CA10: variants seen among roughly 807,000 people sequenced by gnomAD.
CA10 encodes carbonic anhydrase 10 (inactive).
A neutral mutation model predicts 44.2 loss-of-function variants in CA10; 14 were observed. That is an observed-to-expected ratio of 0.32 (90% CI 0.21 to 0.50). The LOEUF (loss-of-function observed/expected upper bound fraction) is 0.50. CA10 is among the 20% of genes least tolerant of loss of function. CA10 has a pLI of 0.99. For synonymous variants in CA10, 159 were observed against 141.6 expected (o/e 1.12, Z -0.87); for missense variants, 350 against 409.7 (o/e 0.85, Z 1.26).
chr17:51,982,387 A>C (rs1320110644), intron 2 of CA10, among the ~76,000 whole-genome samples: 2 of 152,022 alleles, frequency 1.3e-5, no homozygotes, highest in East Asian at 1.9e-4. Flanking sequence ...GTCTATCCAC[A>C]CATTCAGCTA....
intron 3 of CA10, among the ~76,000 whole-genome samples, chr17:51,814,507 T>C (rs1907492866): frequency 6.6e-6 from 1 of 152,232 alleles, no homozygotes; most frequent in Non-Finnish European, 1.5e-5. Flanking sequence ...TTAAAGGCTG[T>C]TGTAAGTCCT....
chr17:51,935,018 C>G (rs146484101), intron 2 of CA10, among the ~76,000 whole-genome samples: 2 of 151,996 alleles, frequency 1.3e-5, no homozygotes, highest in Admixed American at 6.6e-5. Context: ...CAAGGATGGG[C>G]GTATGAATGA....
chr17:52,003,015 G>A (rs1985479897), intron 2 of CA10, among the ~76,000 whole-genome samples: 1 of 151,886 alleles, frequency 6.6e-6, no homozygotes. Flanking sequence ...AGGAGACAAA[G>A]GTTTGCACAG....
At chr17:52,104,843 G>A (rs1030722336) in intron 1 of CA10, among the ~76,000 whole-genome samples, 3 of 152,154 alleles carry the variant, frequency 2.0e-5, no homozygotes, top group African/African-American at 2.4e-5. Flanking sequence ...TTTGCTGCAC[G>A]GATGACAACC....
At chr17:51,745,536 A>G (rs1219467618) in intron 4 of CA10, among the ~76,000 whole-genome samples, 1 of 152,172 alleles carries the variant, frequency 6.6e-6, no homozygotes, top group African/African-American at 2.4e-5. Flanking sequence ...GGTGCACCTG[A>G]TACCTGTGGT....
intron 4 of CA10, among the ~76,000 whole-genome samples, chr17:51,702,267 A>G (rs572573526): frequency 1.3e-5 from 2 of 152,270 alleles, no homozygotes; most frequent in East Asian, 3.9e-4. Flanking sequence ...GGCCCAGAGC[A>G]GTTGGGAGAC....
intron 2 of CA10, among the ~76,000 whole-genome samples, chr17:52,022,325 C>G (rs149214836): frequency 7.9e-5 from 12 of 152,028 alleles, no homozygotes; most frequent in Admixed American, 3.3e-4. Context: ...AAATGTGATT[C>G]ACGACATGAA....
intron 4 of CA10, among the ~76,000 whole-genome samples, chr17:51,657,244 T>C (rs1452533935): frequency 6.6e-6 from 1 of 152,206 alleles, no homozygotes; most frequent in Middle Eastern, 3.2e-3. Flanking sequence ...CTTTTTGTTC[T>C]CAGCTGTAAG....
intron 1 of CA10, among the ~76,000 whole-genome samples, chr17:52,096,769 G>C (rs1274171223): frequency 6.6e-6 from 1 of 152,150 alleles, no homozygotes; most frequent in East Asian, 1.9e-4. Flanking sequence ...TTCTGAGGTT[G>C]GTCAAAGCCA....
At chr17:51,724,926 C>G (rs1916464700) in intron 4 of CA10, among the ~76,000 whole-genome samples, 1 of 152,226 alleles carries the variant, frequency 6.6e-6, no homozygotes, top group Admixed American at 6.5e-5. Flanking sequence ...GTAGTCATAA[C>G]AGTTTTCACT....
At chr17:51,646,033 T>G (rs1452551350) in intron 6 of CA10, among the ~76,000 whole-genome samples, 1 of 152,242 alleles carries the variant, frequency 6.6e-6, no homozygotes, top group African/African-American at 2.4e-5. Context: ...GGAGCTGAGC[T>G]GCTTCAGCTC....
At chr17:51,953,389 A>G (rs1333021914) in intron 2 of CA10, among the ~76,000 whole-genome samples, 1 of 151,376 alleles carries the variant, frequency 6.6e-6, no homozygotes. Context: ...TGTCTTTTCC[A>G]TCTCCACTAC....
At chr17:52,088,919 T>C (rs1161715539) in intron 1 of CA10, among the ~76,000 whole-genome samples, 1 of 152,164 alleles carries the variant, frequency 6.6e-6, no homozygotes, top group Non-Finnish European at 1.5e-5. Context: ...AAAAATACAC[T>C]ATAGATTATA....
At chr17:51,678,243 A>T (rs983686268) in intron 4 of CA10, among the ~76,000 whole-genome samples, 2 of 152,184 alleles carry the variant, frequency 1.3e-5, no homozygotes, top group Non-Finnish European at 2.9e-5. Context: ...TTAATAGATA[A>T]TGGGGTTTCC....
At chr17:51,686,111 C>T (rs1242551708) in intron 4 of CA10, among the ~76,000 whole-genome samples, 1 of 152,042 alleles carries the variant, frequency 6.6e-6, no homozygotes, top group Non-Finnish European at 1.5e-5. Flanking sequence ...TTCCCCCATA[C>T]TGTTCTTGTG....
rs375774496 is a variant in CA10, at chr17:52,065,220, G to T, written c.136+7099C>A. Among the ~76,000 whole-genome samples, 12 of 152,304 alleles carry T rather than the reference G, an allele frequency of 7.9e-5. No homozygotes were observed. In the East Asian group the frequency reaches 9.6e-4, roughly 12 times the overall value. On this transcript the variant is annotated intron_variant, in intron 2 of 8. Coordinates refer to ENST00000451037, the MANE Select transcript of CA10 (RefSeq NM_020178.5). ...GCTTAGCTTCTCCTAGATTACACAA[G>T]GAGGCTCTCCTTGATCTCCAGACTA... is the stretch of plus-strand genomic sequence containing the variant.
chr17:51,692,620 G>A (rs367544195), intron 4 of CA10, among the ~76,000 whole-genome samples: 13 of 152,054 alleles, frequency 8.5e-5, no homozygotes, highest in African/African-American at 2.4e-4. Context: ...TCTTGTTCCA[G>A]CTCTCATTTC....
intron 3 of CA10, among the ~76,000 whole-genome samples, chr17:51,928,954 T>C (rs1982540697): frequency 6.6e-6 from 1 of 152,168 alleles, no homozygotes; most frequent in Non-Finnish European, 1.5e-5. Flanking sequence ...AGTTCTCAGC[T>C]CTTCAAACCA....
rs1157294380 is a variant in CA10 at position 51,635,857 on chromosome 17, G to T, written c.787C>A (p.Gln263Lys). ...MNKPVYITRM[Q>K]MHSLRLLSQN... ...TAAATGACCAGAGAGAAACTCACCT[G>T]CATCCTGGTTATATAGACAGGTTTG... The change falls in exon 7 of 9, where the codon CAG becomes AAG. Residue 263 changes from glutamine (Q) to lysine (K), a missense_variant and splice_region_variant. Transcript: ENST00000451037. The T allele has an allele frequency of 1.3e-6, 2 of 1,570,382 alleles. No homozygotes were observed. The highest frequency in any genetic ancestry group is 1.7e-6 in the Non-Finnish European group (2 of 1,156,554).
Sources: gnomAD v4.1 joint callset for allele counts (sites outside exome capture counted in the v4.1 genomes callset) on GRCh38, gnomAD v4.1.1 for gene constraint, MANE v1.5 for transcripts, NCBI Gene and HGNC (gene_info 2026-07-23, HGNC 2026-07-21) for gene names.